Variants in TRAP1 observed in about 807,000 individuals in gnomAD.
The protein encoded by TRAP1 is heat shock protein 75 kDa, mitochondrial.
A neutral mutation model predicts 89.1 loss-of-function variants in TRAP1; 102 were observed. That is an observed-to-expected ratio of 1.15 (90% confidence interval 0.98 to 1.35). The LOEUF is 1.35. Ranked by LOEUF, TRAP1 falls within the 40% of genes most tolerant of loss-of-function variation. The pLI is 0.00. For synonymous variants in TRAP1, 508 were observed against 388.0 expected (o/e 1.31, Z -3.64); for missense variants, 1,256 against 945.3 (o/e 1.33, Z -4.31).
At chr16:3,663,271 T>G in intron 14 of TRAP1, 153 bp downstream of exon 14, 1 of 997,710 alleles carries the variant, frequency 1.0e-6, no homozygotes, top group Non-Finnish European at 1.4e-6. Context: ...GGCACCTTCC[T>G]CCAGTCACCA....
At position 3,664,421 on chromosome 16, in the gene TRAP1, C is replaced by T. The variant is rs748571427; in HGVS notation, c.1422G>A (p.Ala474=). The change falls in exon 13 of 18, where the codon GCG becomes GCA. Residue 474 remains alanine, a synonymous_variant. Coordinates refer to ENST00000246957, the MANE Select transcript of TRAP1 (RefSeq NM_016292.3). ...IAKLLRYESS[A]LPSGQLTSLS... is the part of the protein sequence containing the mutation. ...GGCTGGTTAGCTGCCCGGAGGGCAG[C>T]GCCGAGGACTCGTAGCGCAGCAGCT... The T allele has an allele frequency of 3.8e-5, 62 of 1,611,994 alleles. 1 individual carries two copies. The South Asian group carries it at 5.9e-4, about 15-fold the overall frequency.
intron 1 of TRAP1, among the ~76,000 whole-genome samples, chr16:3,698,537 C>T (rs2051321647): frequency 6.6e-6 from 1 of 151,872 alleles, no homozygotes; most frequent in Non-Finnish European, 1.5e-5. Context: ...CTCCTGACCT[C>T]GTGATCTGCC....
chr16:3,667,221 C>T (rs1235467426), intron 11 of TRAP1, among the ~76,000 whole-genome samples: 1 of 152,100 alleles, frequency 6.6e-6, no homozygotes, highest in Admixed American at 6.6e-5. Context: ...GTGACCAGCC[C>T]ACCGTGAAGA....
intron 11 of TRAP1, among the ~76,000 whole-genome samples, chr16:3,666,376 C>T (rs999628640): frequency 3.3e-5 from 5 of 152,202 alleles, no homozygotes; most frequent in Non-Finnish European, 7.4e-5. Context: ...AAGATACCCA[C>T]GCCCGGAAAA....
chr16:3,674,094 C>T (rs2050953606), intron 9 of TRAP1, among the ~76,000 whole-genome samples: 1 of 152,060 alleles, frequency 6.6e-6, no homozygotes, highest in African/African-American at 2.4e-5. Context: ...TTCTTTTTTT[C>T]TTTTTTTTCA....
At chr16:3,662,716 C>T (rs749018732) in intron 15 of TRAP1, 166 bp downstream of exon 15, 7 of 717,632 alleles carry the variant, frequency 9.8e-6, no homozygotes, top group African/African-American at 1.7e-5. Flanking sequence ...GCGGCACTCC[C>T]GAGCAACACG....
At chr16:3,696,332 G>A (rs901116608) in intron 1 of TRAP1, among the ~76,000 whole-genome samples, 1 of 152,212 alleles carries the variant, frequency 6.6e-6, no homozygotes, top group Non-Finnish European at 1.5e-5. Flanking sequence ...CCAGCCAGAA[G>A]GGCTCCCAGT....
Position 3,666,087 on chromosome 16 carries a change from T to C in TRAP1, c.1267A>G (p.Ile423Val). The stretch of plus-strand genomic sequence containing the variant: ...TTACTCTGGTCAATGAAGAATTTGA[T>C]CAGCCTCTGCTGTAAAACGTCCCGG... ...KLRDVLQQRL[I>V]KFFIDQSKKD... The change falls in exon 12 of 18, where the codon ATC becomes GTC. Residue 423 changes from isoleucine to valine, a missense_variant. Transcript: ENST00000246957. 6.2e-7 allele frequency: 1 copy of C among 1,614,070 alleles called. No homozygotes were observed. The highest frequency in any genetic ancestry group is 1.1e-5 in the South Asian group (1 of 91,068).
At chr16:3,682,810 T>C (rs1480593566) in intron 4 of TRAP1, among the ~76,000 whole-genome samples, 1 of 151,746 alleles carries the variant, frequency 6.6e-6, no homozygotes, top group Non-Finnish European at 1.5e-5. Flanking sequence ...CAGCGAACCC[T>C]GATAGCACCA....
intron 4 of TRAP1, among the ~76,000 whole-genome samples, chr16:3,682,041 G>C (rs768432817): frequency 6.6e-6 from 1 of 152,104 alleles, no homozygotes; most frequent in Non-Finnish European, 1.5e-5. Flanking sequence ...CAGAGCACAG[G>C]AACAGAGATG....
chr16:3,671,916 C>G lies in TRAP1; in HGVS notation c.1166-125G>C, dbSNP rs1596709183. On this transcript the variant is annotated intron_variant, in intron 10 of 17. Coordinates refer to ENST00000246957, the MANE Select transcript of TRAP1 (RefSeq NM_016292.3). ...CCCAGCACGTGTGCTAAGAGGGAAG[C>G]AGGGAGGCGGCACTGCCGGAGCTTC... is the stretch of plus-strand genomic sequence containing the variant. 8.9e-6 allele frequency: 9 copies of G among 1,014,460 alleles called. No homozygotes were observed. In the East Asian group the frequency reaches 2.3e-4, roughly 26 times the overall value. The allele number at this position is 1,014,460 out of a possible 1,614,324, so 62.8% of individuals were successfully genotyped here.
At chr16:3,683,881 T>A (rs2051104849) in intron 4 of TRAP1, among the ~76,000 whole-genome samples, 1 of 151,576 alleles carries the variant, frequency 6.6e-6, no homozygotes, top group East Asian at 1.9e-4. Context: ...AAGGAAATGG[T>A]GAGACTAGGC....
At chr16:3,685,670 AT>A (rs1442279338) in intron 4 of TRAP1, among the ~76,000 whole-genome samples, 3 of 152,230 alleles carry the variant, frequency 2.0e-5, no homozygotes, top group Admixed American at 2.0e-4. Context: ...AGTTAAAAAT[AT>A]GAAAAGAGTA....
chr16:3,695,781 G>A (rs561764091), intron 1 of TRAP1, among the ~76,000 whole-genome samples: 2 of 152,232 alleles, frequency 1.3e-5, no homozygotes, highest in Admixed American at 1.3e-4. Context: ...TGTCCCCTGC[G>A]GAGTCAGCAG....
chr16:3,704,636 C>T (rs374173421), intron 1 of TRAP1, among the ~76,000 whole-genome samples: 18 of 152,234 alleles, frequency 1.2e-4, no homozygotes, highest in African/African-American at 4.3e-4. Flanking sequence ...GAGGCTCCCT[C>T]GAGCTCAGGA....
At chr16:3,685,942 C>A in intron 4 of TRAP1, 54 bp downstream of exon 4, 2 of 1,591,422 alleles carry the variant, frequency 1.3e-6, no homozygotes, top group Non-Finnish European at 8.6e-7. Flanking sequence ...AAGGCGGATC[C>A]TGTCCTTGCT....
At chr16:3,702,196 A>G (rs1596746789) in intron 1 of TRAP1, among the ~76,000 whole-genome samples, 1 of 151,928 alleles carries the variant, frequency 6.6e-6, no homozygotes, top group Non-Finnish European at 1.5e-5. Flanking sequence ...GTCACTTGAA[A>G]GCTGGTATGG....
rs769027196 is a variant in TRAP1 at position 3,675,388 on chromosome 16, G to A, written c.824C>T (p.Thr275Met). ...GAAGCTGACGAAGTTGCTGTACTTC[G>A]TTACCACATCTGGAAGGGACAAAAG... ...SSEARVRDVVTKYSNFVSFPL... is the reference protein window; with the variant it reads ...SSEARVRDVVMKYSNFVSFPL... Residue 275 changes from threonine to methionine, a missense_variant, in exon 8 of 18, where the codon ACG becomes ATG. Coordinates refer to ENST00000246957, the MANE Select transcript of TRAP1 (RefSeq NM_016292.3). 36 of 1,613,872 alleles carry A rather than the reference G, an allele frequency of 2.2e-5. 1 individual carries two copies. The Admixed American group carries it at 4.3e-4, about 19-fold the overall frequency.
rs760521986 is a variant in TRAP1 at position 3,715,153 on chromosome 16, A to G, written c.88+2268T>C. Among the ~76,000 whole-genome samples the G allele has an allele frequency of 5.4e-4, 83 of 152,340 alleles. 1 individual carries two copies. Among genetic ancestry groups the G allele is most frequent in the Admixed American group, 1.9e-3 (29 of 15,292 alleles). Reference sequence around the variant, plus strand: ...GAGACAATTTTTAAGAAAAAGAGATAAAGGGCTGGGCACAGCGGCTCACGC... The same window carrying G: ...GAGACAATTTTTAAGAAAAAGAGATGAAGGGCTGGGCACAGCGGCTCACGC... On this transcript the variant is annotated intron_variant, in intron 1 of 17. Coordinates refer to ENST00000246957, the MANE Select transcript of TRAP1 (RefSeq NM_016292.3).
Sources: gnomAD v4.1 joint callset for allele counts (sites outside exome capture counted in the v4.1 genomes callset) on GRCh38, gnomAD v4.1.1 for gene constraint, MANE v1.5 for transcripts, NCBI Gene and HGNC (gene_info 2026-07-23, HGNC 2026-07-21) for gene names.